The following SUPT20H variants were observed in gnomAD, a reference collection of about 807,000 sequenced individuals.
SUPT20H encodes transcription factor SPT20 homolog.
In SUPT20H, 82 loss-of-function variants were observed where a neutral mutation model predicts 122.8. The observed-to-expected ratio is 0.67, with a 90% CI of 0.56 to 0.80. The LOEUF (loss-of-function observed/expected upper bound fraction) is 0.80, where lower values mean the gene tolerates loss of function less well. SUPT20H is among the 30% of genes least tolerant of loss of function. The pLI is 0.00. For missense variants in SUPT20H, 831 were observed against 921.6 expected, an observed-to-expected ratio of 0.90 and a Z score of 1.27; for synonymous variants, 291 against 313.0, an observed-to-expected ratio of 0.93 and a Z score of 0.74.
intron 1 of SUPT20H, 124 bp downstream of exon 1, chr13:37,059,435 G>T (rs774856461): frequency 8.5e-5 from 13 of 152,280 alleles, no homozygotes; most frequent in Non-Finnish European, 1.6e-4. Flanking sequence ...GGGTCTCTGG[G>T]GACCCCGTCT....
At position 37,029,976 on chromosome 13, in the gene SUPT20H, G is replaced by A. The variant is rs41292227; in HGVS notation, c.922-140C>T. 2.6e-3 allele frequency: 1,509 copies of A among 589,498 alleles called. 8 individuals carry two copies. Among genetic ancestry groups the A allele is most frequent in the Middle Eastern group, 8.4e-3 (26 of 3,082 alleles). The allele number at this position is 589,498 out of a possible 1,614,324, so 36.5% of individuals were successfully genotyped here. ...TTAGCGCAAGAATTCTTAAATTACC[G>A]GTATCAACTACTTATGCTTAAGCAG... On this transcript the variant is annotated intron_variant, in intron 12 of 25. Transcript: ENST00000350612.
intron 1 of SUPT20H, 178 bp downstream of exon 1, chr13:37,059,381 G>C (rs939984368): frequency 3.3e-5 from 5 of 152,268 alleles, no homozygotes; most frequent in Non-Finnish European, 5.9e-5. Flanking sequence ...CGATGTAGGC[G>C]TCCACCTGGA....
intron 6 of SUPT20H, among the ~76,000 whole-genome samples, chr13:37,044,675 T>G: frequency 6.6e-6 from 1 of 152,196 alleles, no homozygotes; most frequent in East Asian, 1.9e-4. Context: ...TTTTTACACC[T>G]CTTTAATGAA....
chr13:37,023,461 A>T (rs1013339527), intron 19 of SUPT20H: 1 of 152,846 alleles, frequency 6.5e-6, no homozygotes, highest in East Asian at 1.9e-4. Flanking sequence ...AGTATTCAGT[A>T]GTAAAAATTA....
chr13:37,023,239 C>T (rs934103392), intron 19 of SUPT20H, among the ~76,000 whole-genome samples: 1 of 152,048 alleles, frequency 6.6e-6, no homozygotes, highest in African/African-American at 2.4e-5. Context: ...TTTGAGCTAT[C>T]GAGATGAAGA....
rs569881880 is a variant in SUPT20H at position 37,025,485 on chromosome 13, A to G, written c.1212-48T>C. On this transcript the variant is annotated intron_variant, in intron 16 of 25. Transcript: ENST00000350612. ...GTAAAGATTAGAAAACCTGTTTTAA[A>G]CACAAATTTATTTTATAGGAAAGAA... 3.1e-6 allele frequency: 4 copies of G among 1,291,760 alleles called. No homozygotes were observed. The South Asian group carries it at 5.1e-5, about 16-fold the overall frequency. The allele number at this position is 1,291,760 out of a possible 1,614,324, so 80.0% of individuals were successfully genotyped here. A position where few individuals can be genotyped will look rare whatever the true frequency, so the allele number is the denominator to read the frequency against.
In SUPT20H at chr13:37,045,303, T is replaced by C. The variant is rs745960542; in HGVS notation, c.236A>G (p.Asn79Ser). The change falls in exon 6 of 26, where the codon AAT becomes AGT. Residue 79 changes from asparagine (N) to serine (S), a missense_variant. Physicochemically the swap from Asn to Ser is conservative, Grantham distance 46 (BLOSUM62 1). Transcript: ENST00000350612. ...MQETLSCLVV[N>S]LYPGNEGYSL... ...ATATCCCTCATTTCCTGGGTATAGA[T>C]TGACCACTAAACATGACAAAGTCTC... 1.9e-6 allele frequency: 3 copies of C among 1,613,844 alleles called. No individual in the cohort carries two copies. The highest frequency in any genetic ancestry group is 2.2e-5 in the South Asian group (2 of 91,072).
At chr13:37,049,222 A>G (rs2067124639) in intron 2 of SUPT20H, among the ~76,000 whole-genome samples, 1 of 152,170 alleles carries the variant, frequency 6.6e-6, no homozygotes, top group African/African-American at 2.4e-5. Context: ...CTTGAGTATC[A>G]ACTCATCATC....
chr13:37,015,480 T>TAAAAA (rs111755282), intron 23 of SUPT20H, among the ~76,000 whole-genome samples: 1 of 125,992 alleles, frequency 7.9e-6, no homozygotes, highest in Non-Finnish European at 1.7e-5. Context: ...GAAGGCTGCT[T>TAAAAA]AAAAAAAAAA....
intron 21 of SUPT20H, among the ~76,000 whole-genome samples, chr13:37,020,106 T>C (rs1294484662): frequency 6.6e-6 from 1 of 152,178 alleles, no homozygotes; most frequent in Admixed American, 6.5e-5. Context: ...CTGTGTGCTG[T>C]AGTTTGTTGA....
intron 23 of SUPT20H, 29 bp from the exon 24 acceptor site, chr13:37,012,326 A>G (rs754972306): frequency 2.1e-5 from 33 of 1,573,840 alleles, no homozygotes; most frequent in Non-Finnish European, 2.7e-5. Context: ...AATGACTTGT[A>G]CAAGAAAGAA....
intron 23 of SUPT20H, 142 bp from the exon 24 acceptor site, chr13:37,012,439 A>C (rs2059771930): frequency 1.8e-6 from 1 of 554,730 alleles, no homozygotes. Flanking sequence ...AAATACTTCA[A>C]AGGTATTTAG....
chr13:37,023,629 A>G (rs1038216484), intron 19 of SUPT20H: 1 of 154,368 alleles, frequency 6.5e-6, no homozygotes, highest in Non-Finnish European at 1.4e-5. Flanking sequence ...ATACACAAAG[A>G]TAGGACCTGC....
chr13:37,026,997 G>T (rs570007792), intron 14 of SUPT20H, among the ~76,000 whole-genome samples, 181 bp from the exon 15 acceptor site: 1 of 152,030 alleles, frequency 6.6e-6, no homozygotes, highest in South Asian at 2.1e-4. Flanking sequence ...TAGTCATTTG[G>T]CTCTATAGAC....
At position 37,024,210 on chromosome 13, in the gene SUPT20H, G is replaced by T. The variant is rs1201240914; in HGVS notation, c.1433-17C>A. The T allele has an allele frequency of 6.3e-7, 1 of 1,590,552 alleles. No homozygotes were observed. Among genetic ancestry groups the T allele is most frequent in the Non-Finnish European group, 8.5e-7 (1 of 1,170,642 alleles). The stretch of plus-strand genomic sequence containing the variant: ...AATAGTTACCTAGAAGAACATAAAA[G>T]TTATTTCCTAAATTTATAATTCAAA... On this transcript the variant is annotated splice_polypyrimidine_tract_variant and intron_variant, in intron 18 of 25. Coordinates refer to ENST00000350612, the MANE Select transcript of SUPT20H (RefSeq NM_001014286.3).
chr13:37,047,641 A>T lies in SUPT20H; in HGVS notation c.99-40T>A, dbSNP rs756176215. 24 of 1,337,880 alleles carry T rather than the reference A, an allele frequency of 1.8e-5. No individual in the cohort carries two copies. In the African/African-American group the frequency reaches 3.3e-4, roughly 19 times the overall value. 82.9% of individuals were successfully genotyped at this position (1,337,880 alleles called of 1,614,324 possible). ...TGAAACAAATATATAAAATGTTAAC[A>T]GAGTAATCATCATGACATGAATGTT... On this transcript the variant is annotated intron_variant, in intron 4 of 25. Coordinates refer to ENST00000350612, the MANE Select transcript of SUPT20H (RefSeq NM_001014286.3).
Position 37,010,616 on chromosome 13 carries a change from T to TGC in SUPT20H, c.2136_2137dup (p.Gln713ArgfsTer58). On this transcript the variant is annotated frameshift_variant, in exon 25 of 26. Coordinates refer to ENST00000350612, the MANE Select transcript of SUPT20H (RefSeq NM_001014286.3). LOFTEE classifies it high-confidence loss of function. Reference sequence around the variant, plus strand: ...CTGGAATCTCTGCTGAGGAAGGCTTTGCTCAGGTCTGTTCTCGGCAGAGCC... The same window carrying TGC: ...CTGGAATCTCTGCTGAGGAAGGCTTTGCGCTCAGGTCTGTTCTCGGCAGAGCC... 1 of 1,613,912 alleles carries TGC rather than the reference T, an allele frequency of 6.2e-7. No individual in the cohort carries two copies.
intron 13 of SUPT20H, 49 bp from the exon 14 acceptor site, chr13:37,028,354 C>A: frequency 1.3e-6 from 2 of 1,525,988 alleles, no homozygotes; most frequent in Non-Finnish European, 1.8e-6. Context: ...AGTAGGCAGG[C>A]AATAAGAATT....
chr13:37,054,385 T>A (rs1303852739), intron 1 of SUPT20H, among the ~76,000 whole-genome samples: 1 of 151,944 alleles, frequency 6.6e-6, no homozygotes, highest in Non-Finnish European at 1.5e-5. Context: ...TAATGGCAAA[T>A]CGAATCCAGC....
Sources: allele counts gnomAD v4.1 joint callset (sites outside exome capture counted in the v4.1 genomes callset), GRCh38; gene constraint gnomAD v4.1.1; transcripts MANE v1.5; gene names NCBI Gene and HGNC (gene_info 2026-07-23, HGNC 2026-07-21).